CRYZ: variants seen among roughly 807,000 people sequenced by gnomAD.
CRYZ encodes zeta-crystallin.
Under a neutral mutation model 34.1 loss-of-function variants are expected in CRYZ, and 35 were observed. That is an observed-to-expected ratio of 1.03 (90% confidence interval 0.78 to 1.36). CRYZ has a LOEUF of 1.36. Ranked by LOEUF, CRYZ falls within the 40% of genes most tolerant of loss-of-function variation. The pLI is 0.00. For synonymous variants in CRYZ, 137 were observed against 136.5 expected (o/e 1.00, Z -0.03); for missense variants, 403 against 391.8 (o/e 1.03, Z -0.24).
At position 74,719,249 on chromosome 1, in the gene CRYZ, C is replaced by T. The variant is rs1037440251; in HGVS notation, c.388G>A (p.Gly130Ser). ...KLDFKQGAAIGIPYFTAYRAL... is the reference protein window; with the variant it reads ...KLDFKQGAAISIPYFTAYRAL... Reference sequence around the variant, plus strand: ...CGATAAGCAGTAAAATATGGAATGCCGATGGCAGCTCCTTGTTTAAAGTCC... The same window carrying T: ...CGATAAGCAGTAAAATATGGAATGCTGATGGCAGCTCCTTGTTTAAAGTCC... The change falls in exon 4 of 9, where the codon GGC becomes AGC. Residue 130 changes from glycine to serine, a missense_variant. Physicochemically the swap from Gly to Ser is moderately conservative, Grantham distance 56. Transcript: ENST00000340866. 13 of 1,613,610 alleles carry T rather than the reference C, an allele frequency of 8.1e-6. No individual in the cohort carries two copies. The highest frequency in any genetic ancestry group is 6.6e-5 in the South Asian group (6 of 91,064).
Position 74,724,802 on chromosome 1 carries a change from A to T in CRYZ, c.20T>A (p.Leu7Ter), listed in dbSNP as rs1246563341. The T allele has an allele frequency of 6.2e-7, 1 of 1,612,160 alleles. No homozygotes were observed. Among genetic ancestry groups the T allele is most frequent in the East Asian group, 2.2e-5 (1 of 44,806 alleles). MATGQK[L>*]MRAVRVFEFG... ...TTCAAAAACTCTAACAGCTCTCATC[A>T]ACTTCTGTCCAGTCGCCATGGTGAT... Residue 7 changes from leucine to a stop codon, truncating the protein, a stop_gained, in exon 2 of 9, where the codon TTG (leucine) becomes TAG (stop). Transcript: ENST00000340866. LOFTEE classifies it high-confidence loss of function.
chr1:74,711,806 A>C lies in CRYZ; in HGVS notation c.481-1559T>G, dbSNP rs1030037684. On this transcript the variant is annotated intron_variant, in intron 5 of 8. Transcript: ENST00000340866. Reference sequence around the variant, plus strand: ...TAACATGCTGAGCTGCACAGTGCTCATCTACTTACGGGCGAAGATGTTCAG... The same window carrying C: ...TAACATGCTGAGCTGCACAGTGCTCCTCTACTTACGGGCGAAGATGTTCAG... Among the ~76,000 whole-genome samples the C allele has an allele frequency of 7.9e-5, 12 of 152,338 alleles. No individual in the cohort carries two copies. In the Middle Eastern group the frequency reaches 0.01, roughly 130 times the overall value.
At chr1:74,710,342 C>T in intron 5 of CRYZ, 95 bp from the exon 6 acceptor site, 1 of 1,197,124 alleles carries the variant, frequency 8.4e-7, no homozygotes, top group Non-Finnish European at 1.1e-6. Flanking sequence ...ATAGGACCCA[C>T]CCTAACTTTA....
At position 74,706,257 on chromosome 1, in the gene CRYZ, A is replaced by T; in HGVS notation, c.*39T>A. On this transcript the variant is annotated 3_prime_UTR_variant, in exon 9 of 9. Coordinates refer to ENST00000340866, the MANE Select transcript of CRYZ (RefSeq NM_001889.4). ...TAAGTACAACTGGGGGAAAGACAGT[A>T]CCTCTAATTACATAGGAAATCCATG... 1.3e-6 allele frequency: 2 copies of T among 1,518,992 alleles called. No individual in the cohort carries two copies. Among genetic ancestry groups the T allele is most frequent in the Non-Finnish European group, 1.8e-6 (2 of 1,122,476 alleles). 94.1% of individuals were successfully genotyped at this position (1,518,992 alleles called of 1,614,324 possible).
At chr1:74,728,189 T>G (rs777474885) in intron 1 of CRYZ, among the ~76,000 whole-genome samples, 9 of 152,212 alleles carry the variant, frequency 5.9e-5, no homozygotes, top group Admixed American at 2.6e-4. Context: ...TGTAGTTCAT[T>G]CATTTTAACA....
At chr1:74,707,306 A>C in intron 6 of CRYZ, 102 bp from the exon 7 acceptor site, 1 of 674,112 alleles carries the variant, frequency 1.5e-6, no homozygotes, top group Non-Finnish European at 2.5e-6. Context: ...CAAATGATAT[A>C]TAAATGCTAC....
chr1:74,714,780 C>A (rs1647049672), intron 4 of CRYZ, 150 bp from the exon 5 acceptor site: 1 of 669,056 alleles, frequency 1.5e-6, no homozygotes. Flanking sequence ...CAAATATTCC[C>A]TAAGCTCCAC....
rs139389123 is a variant in CRYZ at position 74,722,977 on chromosome 1, T to G, written c.264+141A>C. On this transcript the variant is annotated intron_variant, in intron 3 of 8. Coordinates refer to ENST00000340866, the MANE Select transcript of CRYZ (RefSeq NM_001889.4). ...AAAATCTAATTTCTTAATTCCTTTT[T>G]TGACTAGAGGAGTCCCCCGAGTGGC... 776 of 738,466 alleles carry G rather than the reference T, an allele frequency of 1.1e-3. 7 individuals are homozygous for G. The African/African-American group carries it at 0.013, about 12-fold the overall frequency. 45.7% of individuals were successfully genotyped at this position (738,466 alleles called of 1,614,324 possible). A position where few individuals can be genotyped will look rare whatever the true frequency, so the allele number is the denominator to read the frequency against.
intron 2 of CRYZ, among the ~76,000 whole-genome samples, chr1:74,723,493 G>C (rs982813431): frequency 6.6e-6 from 1 of 152,202 alleles, no homozygotes; most frequent in African/African-American, 2.4e-5. Flanking sequence ...GGAAAATAGT[G>C]AAAGAAATAT....
intron 5 of CRYZ, among the ~76,000 whole-genome samples, chr1:74,712,027 C>A (rs1647010919): frequency 6.6e-6 from 1 of 152,096 alleles, no homozygotes; most frequent in African/African-American, 2.4e-5. Flanking sequence ...GCCTGGGCAA[C>A]CTGGCAAAAT....
intron 3 of CRYZ, among the ~76,000 whole-genome samples, chr1:74,720,092 C>T (rs1557729083): frequency 6.6e-6 from 1 of 151,960 alleles, no homozygotes; most frequent in Non-Finnish European, 1.5e-5. Context: ...CAAAGAAGTT[C>T]AATAATTTCC....
intron 6 of CRYZ, among the ~76,000 whole-genome samples, chr1:74,709,757 A>T: frequency 6.6e-6 from 1 of 152,216 alleles, no homozygotes; most frequent in African/African-American, 2.4e-5. Context: ...GAGAATTCAC[A>T]TCAGTAGAAA....
chr1:74,725,621 C>T (rs145289792), intron 1 of CRYZ, among the ~76,000 whole-genome samples: 69 of 151,922 alleles, frequency 4.5e-4, no homozygotes, highest in African/African-American at 1.6e-3. Context: ...AGGACCCTCA[C>T]AAATCTCATG....
chr1:74,707,404 T>C (rs1373981617), intron 6 of CRYZ, 200 bp from the exon 7 acceptor site: 1 of 398,110 alleles, frequency 2.5e-6, no homozygotes, highest in African/African-American at 2.1e-5. Context: ...ACATCTAAAC[T>C]GATAAAAATT....
chr1:74,724,718 T>C lies in CRYZ; in HGVS notation c.104A>G (p.Asp35Gly). 6.2e-7 allele frequency: 1 copy of C among 1,600,018 alleles called. No homozygotes were observed. The highest frequency in any genetic ancestry group is 8.5e-7 in the Non-Finnish European group (1 of 1,170,006). Residue 35 changes from aspartate (D) to glycine (G), a missense_variant, in exon 2 of 9, where the codon GAC becomes GGC. Asp to Gly is a moderately conservative substitution (Grantham distance 94). Transcript: ENST00000340866. Reference sequence around the variant, plus strand: ...AAGTAATTTTATTTCTACCTGATGGTCTTTTGGAATCGGTACTGCAATATC... The same window carrying C: ...AAGTAATTTTATTTCTACCTGATGGCCTTTTGGAATCGGTACTGCAATATC... Reference protein sequence around the residue: ...RSDIAVPIPKDHQVLIKVHAC... With the variant: ...RSDIAVPIPKGHQVLIKVHAC...
At chr1:74,711,816 G>A (rs944518714) in intron 5 of CRYZ, among the ~76,000 whole-genome samples, 4 of 152,120 alleles carry the variant, frequency 2.6e-5, no homozygotes, top group Admixed American at 6.5e-5. Context: ...ATCTACTTAC[G>A]GGCGAAGATG....
chr1:74,707,056 T>C (rs1403424172), intron 7 of CRYZ, 47 bp downstream of exon 7: 6 of 1,535,642 alleles, frequency 3.9e-6, no homozygotes, highest in Non-Finnish European at 5.3e-6. Flanking sequence ...TAAATTGTGG[T>C]AAAACATTAA....
At chr1:74,721,727 C>A (rs941993796) in intron 3 of CRYZ, among the ~76,000 whole-genome samples, 1 of 152,152 alleles carries the variant, frequency 6.6e-6, no homozygotes, top group Non-Finnish European at 1.5e-5. Context: ...AAGACAGTCA[C>A]ACAAGAGAGG....
intron 5 of CRYZ, among the ~76,000 whole-genome samples, 177 bp from the exon 6 acceptor site, chr1:74,710,424 G>A (rs1018789250): frequency 2.6e-5 from 4 of 152,052 alleles, no homozygotes; most frequent in African/African-American, 9.7e-5. Context: ...AATATTCCAG[G>A]AACCATACTA....
Sources: allele counts gnomAD v4.1 joint callset (sites outside exome capture counted in the v4.1 genomes callset), GRCh38; gene constraint gnomAD v4.1.1; transcripts MANE v1.5; gene names NCBI Gene and HGNC (gene_info 2026-07-23, HGNC 2026-07-21).